NF1: variants seen among roughly 807,000 people sequenced by gnomAD.
NF1 encodes neurofibromin.
NF1 carries 122 observed loss-of-function variants against 325.7 expected under a neutral mutation model. The ratio of observed to expected loss-of-function variants is 0.37; its 90% CI spans 0.32 to 0.44. NF1 has a LOEUF of 0.44. Ranked by LOEUF, NF1 falls within the 20% of genes least tolerant of loss-of-function variation. NF1 has a pLI of 1.00. For missense variants in NF1, 2,140 were observed against 3,415.4 expected, an observed-to-expected ratio of 0.63 and a Z score of 9.31; for synonymous variants, 1,091 against 1,186.0, an observed-to-expected ratio of 0.92 and a Z score of 1.65.
intron 36 of NF1, among the ~76,000 whole-genome samples, chr17:31,287,873 T>C (rs1163654414): frequency 7.1e-6 from 1 of 141,808 alleles, no homozygotes; most frequent in Non-Finnish European, 1.5e-5. Flanking sequence ...TAGGTGGGAA[T>C]TGAACAATGA....
intron 1 of NF1, among the ~76,000 whole-genome samples, chr17:31,118,480 C>T (rs1914149694): frequency 6.6e-6 from 1 of 152,014 alleles, no homozygotes; most frequent in African/African-American, 2.4e-5. Context: ...GTGATGTTCC[C>T]CTCTGTGTGT....
intron 1 of NF1, among the ~76,000 whole-genome samples, chr17:31,097,071 AT>A (rs1567787974): frequency 6.6e-6 from 1 of 152,096 alleles, no homozygotes; most frequent in Non-Finnish European, 1.5e-5. Flanking sequence ...AAAATTAAAA[AT>A]TTTTTTCAGT....
chr17:31,223,162 T>C (rs1307260551), intron 15 of NF1, among the ~76,000 whole-genome samples: 1 of 152,204 alleles, frequency 6.6e-6, no homozygotes, highest in Non-Finnish European at 1.5e-5. Context: ...TTTCTTCTTA[T>C]GTCTACTACA....
intron 29 of NF1, among the ~76,000 whole-genome samples, chr17:31,239,837 A>G (rs1039308366): frequency 1.3e-5 from 2 of 152,136 alleles, no homozygotes; most frequent in Non-Finnish European, 2.9e-5. Context: ...ATCTTGGCTC[A>G]CTGCAACCTC....
In NF1 at chr17:31,317,220, T is replaced by C. The variant is rs183131835; in HGVS notation, c.4836-8600T>C. Among the ~76,000 whole-genome samples, 443 of 152,280 alleles carry C rather than the reference T, an allele frequency of 2.9e-3. 3 individuals are homozygous for C. The highest frequency in any genetic ancestry group is 0.01 in the African/African-American group (425 of 41,558). On this transcript the variant is annotated intron_variant, in intron 36 of 57. Coordinates refer to ENST00000358273, the MANE Select transcript of NF1 (RefSeq NM_001042492.3). ...TTAGCCCTGTGTTAATTTCAGTAGA[T>C]ATTTGGAAAGTCTCTCAAACCAATT... is the stretch of plus-strand genomic sequence containing the variant.
chr17:31,312,564 A>G lies in NF1; in HGVS notation c.4836-13256A>G, dbSNP rs182699728. Among the ~76,000 whole-genome samples, 55 of 151,936 alleles carry G rather than the reference A, an allele frequency of 3.6e-4. 1 individual carries two copies. The highest frequency in any genetic ancestry group is 3.1e-3 in the Admixed American group (47 of 15,258). On this transcript the variant is annotated intron_variant, in intron 36 of 57. Transcript: ENST00000358273. ...TGGGATTCTATGACAAAAACACACCATAAGGATCGATGGGAAATTTTTTAA... is the reference window on the plus strand; with the variant it reads ...TGGGATTCTATGACAAAAACACACCGTAAGGATCGATGGGAAATTTTTTAA...
chr17:31,342,740 G>A (rs1168889867), intron 47 of NF1, among the ~76,000 whole-genome samples: 1 of 152,132 alleles, frequency 6.6e-6, no homozygotes, highest in Non-Finnish European at 1.5e-5. Context: ...AAAGTCACCG[G>A]GATGTAAATT....
At chr17:31,106,324 A>G (rs1428621552) in intron 1 of NF1, among the ~76,000 whole-genome samples, 2 of 152,314 alleles carry the variant, frequency 1.3e-5, no homozygotes, top group East Asian at 3.9e-4. Context: ...GAAGCTGTAA[A>G]CAGTCATAAA....
intron 1 of NF1, among the ~76,000 whole-genome samples, chr17:31,109,200 A>G (rs1913180637): frequency 6.6e-6 from 1 of 152,198 alleles, no homozygotes; most frequent in Middle Eastern, 3.4e-3. Context: ...GTTACTTTTC[A>G]TGACTTCTGC....
chr17:31,221,103 G>A (rs1396546116), intron 14 of NF1, among the ~76,000 whole-genome samples: 1 of 152,118 alleles, frequency 6.6e-6, no homozygotes, highest in Admixed American at 6.6e-5. Flanking sequence ...GGGGTGGAGG[G>A]ATGGTGGGAG....
At chr17:31,107,509 C>T (rs933173895) in intron 1 of NF1, among the ~76,000 whole-genome samples, 5 of 152,100 alleles carry the variant, frequency 3.3e-5, no homozygotes, top group Non-Finnish European at 5.9e-5. Flanking sequence ...AAGCGATCTT[C>T]CCACTTCGGC....
intron 48 of NF1, among the ~76,000 whole-genome samples, chr17:31,344,716 A>G (rs2069925463): frequency 6.6e-6 from 1 of 152,248 alleles, no homozygotes; most frequent in African/African-American, 2.4e-5. Flanking sequence ...CTACCTTACT[A>G]AAGGATACCA....
intron 5 of NF1, among the ~76,000 whole-genome samples, chr17:31,176,819 G>C: frequency 6.6e-6 from 1 of 152,150 alleles, no homozygotes; most frequent in East Asian, 1.9e-4. Context: ...GATGGTTGTA[G>C]ATGTGTGGTG....
intron 14 of NF1, among the ~76,000 whole-genome samples, chr17:31,221,545 TTTTG>T (rs1197478220): frequency 1.3e-5 from 2 of 152,162 alleles, no homozygotes; most frequent in Non-Finnish European, 2.9e-5. Flanking sequence ...ATTGAAATTA[TTTTG>T]TTTGTTTCTT....
At chr17:31,228,352 A>G (rs1323444119) in intron 20 of NF1, among the ~76,000 whole-genome samples, 1 of 152,158 alleles carries the variant, frequency 6.6e-6, no homozygotes, top group African/African-American at 2.4e-5. Flanking sequence ...AAAAAGTTAT[A>G]TTTTTACGAA....
chr17:31,278,101 G>A (rs1244802560), intron 36 of NF1: 2 of 152,146 alleles, frequency 1.3e-5, no homozygotes, highest in African/African-American at 4.8e-5. Context: ...CTGAGCAACA[G>A]AGCAAGACCT....
At chr17:31,153,761 T>C (rs1181272781) in intron 1 of NF1, among the ~76,000 whole-genome samples, 1 of 150,302 alleles carries the variant, frequency 6.7e-6, no homozygotes, top group African/African-American at 2.4e-5. Flanking sequence ...AGGCACACAC[T>C]ACCAAGCCTA....
chr17:31,209,258 G>T (rs2066679232), intron 12 of NF1, among the ~76,000 whole-genome samples: 1 of 152,192 alleles, frequency 6.6e-6, no homozygotes, highest in Admixed American at 6.5e-5. Flanking sequence ...CATTTGTATT[G>T]CCTCAAATGA....
chr17:31,239,352 T>C (rs971657969), intron 29 of NF1, among the ~76,000 whole-genome samples: 5 of 152,200 alleles, frequency 3.3e-5, no homozygotes, highest in African/African-American at 1.2e-4. Context: ...TTTGTAGTTA[T>C]ATCAAGAGAA....
Sources: allele counts gnomAD v4.1 joint callset (sites outside exome capture counted in the v4.1 genomes callset), GRCh38; gene constraint gnomAD v4.1.1; transcripts MANE v1.5; gene names NCBI Gene and HGNC (gene_info 2026-07-23, HGNC 2026-07-21).